SHANK1: variants seen among roughly 807,000 people sequenced by gnomAD.
SHANK1 encodes the protein SH3 and multiple ankyrin repeat domains 1.
Under a neutral mutation model 165.6 loss-of-function variants are expected in SHANK1, and 35 were observed. That is an observed-to-expected ratio of 0.21 (90% CI 0.16 to 0.28). The LOEUF (loss-of-function observed/expected upper bound fraction) is 0.28, where lower values mean the gene tolerates loss of function less well. Among genes scored for constraint, SHANK1 ranks in the 10% least tolerant of loss-of-function variants. The pLI is 1.00. For synonymous variants in SHANK1, 1,428 were observed against 1,384.8 expected (o/e 1.03, Z -0.69); for missense variants, 2,681 against 3,036.4 (o/e 0.88, Z 2.75).
At chr19:50,675,485 ACTGT>A (rs1247893844) in intron 21 of SHANK1, among the ~76,000 whole-genome samples, 3 of 152,078 alleles carry the variant, frequency 2.0e-5, no homozygotes, top group Admixed American at 6.6e-5. Context: ...CTGAATTGGG[ACTGT>A]CTGTTTCTAT....
At chr19:50,680,924 G>A (rs1986158429) in intron 21 of SHANK1, among the ~76,000 whole-genome samples, 1 of 152,180 alleles carries the variant, frequency 6.6e-6, no homozygotes. Context: ...CCAAAGTGCT[G>A]GGATTACAGG....
intron 15 of SHANK1, among the ~76,000 whole-genome samples, chr19:50,696,274 G>T (rs1342079232): frequency 6.6e-6 from 1 of 152,170 alleles, no homozygotes; most frequent in African/African-American, 2.4e-5. Flanking sequence ...GTGTGGGGGG[G>T]TGTACCCCAA....
chr19:50,683,801 C>T (rs886155097), intron 21 of SHANK1, among the ~76,000 whole-genome samples: 10 of 152,288 alleles, frequency 6.6e-5, no homozygotes, highest in East Asian at 1.9e-4. Flanking sequence ...AAGCCCTTCG[C>T]GTATTGATTC....
At position 50,716,752 on chromosome 19, in the gene SHANK1, G is replaced by A; in HGVS notation, c.168C>T (p.Gly56=). The change falls in exon 2 of 24, where the codon GGC becomes GGT. Residue 56 remains glycine, a synonymous_variant. Transcript: ENST00000293441. This position sits in a 1 kb window ranked among gnomAD's most constrained non-coding sequence, Gnocchi z 8.4. ...GAPGSLASVR[G]LQGRSMSVPD... is the part of the protein sequence containing the mutation. ...GGACGGACATTGAGCGGCCCTGGAG[G>A]CCTCTAACAGAGGCCAGGCTACCAG... 2 of 1,608,828 alleles carry A rather than the reference G, an allele frequency of 1.2e-6. No individual in the cohort carries two copies. The highest frequency in any genetic ancestry group is 1.3e-5 in the African/African-American group (1 of 74,732).
chr19:50,687,981 C>T lies in SHANK1; in HGVS notation c.2250G>A (p.Met750Ile). The T allele has an allele frequency of 6.2e-7, 1 of 1,614,144 alleles. No homozygotes were observed. Among genetic ancestry groups the T allele is most frequent in the Admixed American group, 1.7e-5 (1 of 60,024 alleles). ...GCCTGGTGACCATCACCACCTTCAC[C>T]ATCAGCGTGTTGCCCCCTTGGCGGA... is the stretch of plus-strand genomic sequence containing the variant. Reference protein sequence around the residue: ...NMIRQGGNTLMVKVVMVTRHP... With the variant: ...NMIRQGGNTLIVKVVMVTRHP... Residue 750 changes from methionine to isoleucine, a missense_variant, in exon 18 of 24, where the codon ATG becomes ATA. By Grantham distance (10) the Met-to-Ile change is conservative. Coordinates refer to ENST00000293441, the MANE Select transcript of SHANK1 (RefSeq NM_016148.5).
At chr19:50,693,363 C>T (rs1986604689) in intron 15 of SHANK1, among the ~76,000 whole-genome samples, 1 of 151,514 alleles carries the variant, frequency 6.6e-6, no homozygotes, top group African/African-American at 2.4e-5. Flanking sequence ...TACCCAGACC[C>T]CTCTAGTCCC....
At chr19:50,714,138 T>G in intron 5 of SHANK1, 44 bp downstream of exon 5, 4 of 1,585,350 alleles carry the variant, frequency 2.5e-6, no homozygotes, top group Non-Finnish European at 3.5e-6. Flanking sequence ...GCTCCCCAGC[T>G]CTGTCCTGGC....
Position 50,689,087 on chromosome 19 carries a change from G to A in SHANK1, c.2047+110C>T, listed in dbSNP as rs1027261807. ...CGCAGCTGAGGGACCAGCACCCCGG[G>A]GTGGGGTGGTGGGCGGGCTGGGGTC... On this transcript the variant is annotated intron_variant, in intron 16 of 23. Transcript: ENST00000293441. 2.6e-5 allele frequency: 29 copies of A among 1,096,806 alleles called. No individual in the cohort carries two copies. In the Admixed American group the frequency reaches 4.1e-4, roughly 15 times the overall value. The allele number at this position is 1,096,806 out of a possible 1,614,324, so 67.9% of individuals were successfully genotyped here.
chr19:50,672,178 A>G, intron 21 of SHANK1, 64 bp from the exon 22 acceptor site: 2 of 1,331,106 alleles, frequency 1.5e-6, no homozygotes, highest in Non-Finnish European at 2.1e-6. Context: ...CAGCGCAGAA[A>G]GGCTTGTGGC....
At chr19:50,671,894 C>T in intron 22 of SHANK1, 124 bp downstream of exon 22, 2 of 736,116 alleles carry the variant, frequency 2.7e-6, no homozygotes, top group South Asian at 1.7e-5. Context: ...GAACTCTTAA[C>T]CCAATTTGAT....
rs762489900 is a variant in SHANK1 at position 50,666,272 on chromosome 19, T to A, written c.5688A>T (p.Gly1896=). The A allele has an allele frequency of 6.2e-7, 1 of 1,611,358 alleles. No individual in the cohort carries two copies. Residue 1896 remains glycine (G), a synonymous_variant, in exon 23 of 24, where the codon GGA becomes GGT. Transcript: ENST00000293441. ...GGCTGTCTCCGCCTCCCCCACTGCCTCCTCGGGCCCAGGGCAGAGCGCCGC... is the reference window on the plus strand; with the variant it reads ...GGCTGTCTCCGCCTCCCCCACTGCCACCTCGGGCCCAGGGCAGAGCGCCGC... ...AAGGALPWAR[G]GSGGGGDSHH...
chr19:50,711,560 T>A, intron 7 of SHANK1, 73 bp from the exon 8 acceptor site: 2 of 1,106,616 alleles, frequency 1.8e-6, no homozygotes, highest in Non-Finnish European at 2.6e-6. Flanking sequence ...AGTCTGTCTA[T>A]GACCTGTGCA....
intron 12 of SHANK1, among the ~76,000 whole-genome samples, chr19:50,699,130 G>A (rs972622852): frequency 1.6e-4 from 25 of 152,214 alleles, no homozygotes; most frequent in Non-Finnish European, 3.2e-4. Context: ...ACCAAATGAG[G>A]GGAAGCTGAA....
intron 23 of SHANK1, among the ~76,000 whole-genome samples, chr19:50,664,761 CT>C (rs888653245): frequency 6.2e-4 from 92 of 148,966 alleles, no homozygotes; most frequent in East Asian, 2.0e-3. Context: ...TTGTTAATAA[CT>C]TTTTTTTTTT....
At position 50,661,806 on chromosome 19, in the gene SHANK1, T is replaced by C. The variant is rs1985237579; in HGVS notation, c.*159A>G. The C allele has an allele frequency of 2.2e-5, 16 of 726,708 alleles. No individual in the cohort carries two copies. The highest frequency in any genetic ancestry group is 2.1e-5 in the Non-Finnish European group (9 of 438,542). The allele number at this position is 726,708 out of a possible 1,614,324, so 45.0% of individuals were successfully genotyped here. ...GTGAGGTGCAAATGTCCGGCCTGGA[T>C]TGGGCCACCTGGTGACCTCTGGCCT... On this transcript the variant is annotated 3_prime_UTR_variant, in exon 24 of 24. Coordinates refer to ENST00000293441, the MANE Select transcript of SHANK1 (RefSeq NM_016148.5).
intron 21 of SHANK1, among the ~76,000 whole-genome samples, chr19:50,685,920 C>T (rs1599853296): frequency 1.3e-5 from 2 of 151,986 alleles, no homozygotes; most frequent in Admixed American, 6.6e-5. Flanking sequence ...CCATCCATGA[C>T]ATCATTTTGC....
chr19:50,671,277 G>A (rs1279989035), intron 22 of SHANK1, among the ~76,000 whole-genome samples: 2 of 136,812 alleles, frequency 1.5e-5, no homozygotes, highest in East Asian at 2.1e-4. Flanking sequence ...TCTGCCTTCC[G>A]GGTTCACGCC....
Position 50,704,044 on chromosome 19 carries a change from C to G in SHANK1, c.1222+76G>C. On this transcript the variant is annotated intron_variant, in intron 10 of 23. Transcript: ENST00000293441. Reference sequence around the variant, plus strand: ...CCTATCCTGGCCCCCAAGTCAGGTCCCCCAACTCCCCCATCCCACCATGAA... The same window carrying G: ...CCTATCCTGGCCCCCAAGTCAGGTCGCCCAACTCCCCCATCCCACCATGAA... 5.5e-6 allele frequency: 8 copies of G among 1,465,678 alleles called. No homozygotes were observed. The South Asian group carries it at 6.9e-5, about 13-fold the overall frequency. The allele number at this position is 1,465,678 out of a possible 1,614,324, so 90.8% of individuals were successfully genotyped here. A position where few individuals can be genotyped will look rare whatever the true frequency, so the allele number is the denominator to read the frequency against.
intron 23 of SHANK1, among the ~76,000 whole-genome samples, chr19:50,664,352 G>A (rs949263867): frequency 2.6e-5 from 4 of 152,102 alleles, no homozygotes; most frequent in African/African-American, 9.7e-5. Flanking sequence ...GAATGGGCTC[G>A]AATTCTGCGA....
Sources: gnomAD v4.1 joint callset for allele counts (sites outside exome capture counted in the v4.1 genomes callset) on GRCh38, gnomAD v4.1.1 for gene constraint, Gnocchi (gnomAD v3.1) non-coding constraint, MANE v1.5 for transcripts, NCBI Gene and HGNC (gene_info 2026-07-23, HGNC 2026-07-21) for gene names.